Variants in DYTN observed in about 807,000 individuals in gnomAD.
The protein encoded by DYTN is dystrotelin.
In DYTN, 75 loss-of-function variants were observed where a neutral mutation model predicts 69.6. The ratio of observed to expected loss-of-function variants is 1.08; its 90% CI spans 0.89 to 1.31. The LOEUF is 1.31. Ranked by LOEUF, DYTN falls within the 50% of genes most tolerant of loss-of-function variation. The pLI is 0.00. For synonymous variants in DYTN, 252 were observed against 249.1 expected (o/e 1.01, Z -0.11); for missense variants, 726 against 688.4 (o/e 1.05, Z -0.61).
Position 206,705,833 on chromosome 2 carries a change from C to A in DYTN, c.337G>T (p.Ala113Ser). 1 of 1,613,864 alleles carries A rather than the reference C, an allele frequency of 6.2e-7. No individual in the cohort carries two copies. Among genetic ancestry groups the A allele is most frequent in the Non-Finnish European group, 8.5e-7 (1 of 1,179,856 alleles). Residue 113 changes from alanine to serine, a missense_variant, in exon 4 of 12, where the codon GCC becomes TCC. Ala to Ser is a moderately conservative substitution (Grantham distance 99). Coordinates refer to ENST00000452335, the MANE Select transcript of DYTN (RefSeq NM_001093730.1). ...GFLQLMPAAA[A>S]LITLSGDSPL... Reference sequence around the variant, plus strand: ...CTGTCTCCTGAGAGGGTTATTAGGGCAGCGGCCGCAGGCATAAGCTGGAGA... The same window carrying A: ...CTGTCTCCTGAGAGGGTTATTAGGGAAGCGGCCGCAGGCATAAGCTGGAGA...
At chr2:206,665,775 G>T in intron 10 of DYTN, 95 bp downstream of exon 10, 2 of 1,459,724 alleles carry the variant, frequency 1.4e-6, no homozygotes, top group East Asian at 2.3e-5. Context: ...GGAAGAGGCT[G>T]ATCAAAGTAA....
intron 11 of DYTN, among the ~76,000 whole-genome samples, chr2:206,661,193 T>G (rs1232636087): frequency 1.3e-5 from 2 of 152,222 alleles, no homozygotes; most frequent in East Asian, 3.8e-4. Flanking sequence ...ACCCTGATCT[T>G]GGACTTCTGG....
intron 11 of DYTN, among the ~76,000 whole-genome samples, chr2:206,660,213 A>C (rs1175854325): frequency 6.6e-6 from 1 of 152,200 alleles, no homozygotes; most frequent in African/African-American, 2.4e-5. Flanking sequence ...TTATTGCATC[A>C]ACTGAATTTA....
chr2:206,692,458 C>T (rs1314216056), intron 9 of DYTN, among the ~76,000 whole-genome samples: 2 of 152,010 alleles, frequency 1.3e-5, no homozygotes, highest in Non-Finnish European at 1.5e-5. Context: ...TTCTGAATTT[C>T]GAGGATTAAC....
intron 9 of DYTN, among the ~76,000 whole-genome samples, chr2:206,684,420 T>G (rs1699784727): frequency 6.6e-6 from 1 of 152,120 alleles, no homozygotes; most frequent in Non-Finnish European, 1.5e-5. Flanking sequence ...TCCTCCTACC[T>G]CAGCCTCCCA....
chr2:206,708,730 T>C (rs1004695147), intron 2 of DYTN, among the ~76,000 whole-genome samples: 1 of 152,224 alleles, frequency 6.6e-6, no homozygotes, highest in Non-Finnish European at 1.5e-5. Flanking sequence ...TATTTGGAGC[T>C]CATGTTATGC....
At chr2:206,682,598 C>G (rs1453403316) in intron 9 of DYTN, among the ~76,000 whole-genome samples, 1 of 152,130 alleles carries the variant, frequency 6.6e-6, no homozygotes, top group Non-Finnish European at 1.5e-5. Flanking sequence ...TACACTCTCT[C>G]TTTGATGATC....
chr2:206,710,553 T>A lies in DYTN; in HGVS notation c.65A>T (p.Lys22Ile). 1 of 1,612,314 alleles carries A rather than the reference T, an allele frequency of 6.2e-7. No individual in the cohort carries two copies. Among genetic ancestry groups the A allele is most frequent in the Non-Finnish European group, 8.5e-7 (1 of 1,179,248 alleles). ...IENSIYRTAF[K>I]LQSVQTLCQL... ...GCACAGAGTTTGCACTGATTGTAAT[T>A]TGAAGGCTGTTCTATAAATGGAATT... The change falls in exon 2 of 12, where the codon AAA (lysine) becomes ATA (isoleucine). Residue 22 changes from lysine to isoleucine, a missense_variant. Lys to Ile is a moderately radical substitution (Grantham distance 102, BLOSUM62 -3). Transcript: ENST00000452335.
rs532781819 is a variant in DYTN, at chr2:206,675,919, G to A, written c.981-9890C>T. 7.2e-4 allele frequency among the ~76,000 whole-genome samples: 110 copies of A among 152,310 alleles called. 1 individual carries two copies. Among genetic ancestry groups the A allele is most frequent in the African/African-American group, 2.5e-3 (103 of 41,578 alleles). ...CAGTTAGAAAGATGATCATTAAAAT[G>A]TCTGGAAACAACAGATGCTGGTGAG... On this transcript the variant is annotated intron_variant, in intron 9 of 11. Transcript: ENST00000452335.
At chr2:206,711,552 C>CT (rs150580072) in intron 1 of DYTN, among the ~76,000 whole-genome samples, 33,377 of 151,376 alleles carry the variant, frequency 0.22, 4,321 homozygotes, top group Non-Finnish European at 0.28. Context: ...TCTTACCTTT[C>CT]TTTTTTTTGT....
At chr2:206,671,326 A>C (rs941416557) in intron 9 of DYTN, among the ~76,000 whole-genome samples, 1 of 152,196 alleles carries the variant, frequency 6.6e-6, no homozygotes, top group Non-Finnish European at 1.5e-5. Context: ...GAAAAAGCAA[A>C]AGGGCAGTAG....
intron 9 of DYTN, among the ~76,000 whole-genome samples, chr2:206,671,498 A>G (rs542719831): frequency 6.6e-6 from 1 of 152,310 alleles, no homozygotes; most frequent in Non-Finnish European, 1.5e-5. Context: ...CGAACTTTAC[A>G]TTATTTTTAA....
chr2:206,702,201 G>A (rs886419170), intron 5 of DYTN, among the ~76,000 whole-genome samples: 5 of 152,194 alleles, frequency 3.3e-5, no homozygotes, highest in African/African-American at 1.2e-4. Flanking sequence ...AAGATGGCCA[G>A]GGACTTGGCT....
intron 11 of DYTN, among the ~76,000 whole-genome samples, chr2:206,658,502 G>A (rs538452551): frequency 2.6e-5 from 4 of 151,938 alleles, no homozygotes; most frequent in South Asian, 2.1e-4. Context: ...AGAGATTCTC[G>A]GGGGCTGTTC....
chr2:206,689,920 A>G (rs1198112649), intron 9 of DYTN, among the ~76,000 whole-genome samples: 1 of 152,248 alleles, frequency 6.6e-6, no homozygotes, highest in Non-Finnish European at 1.5e-5. Flanking sequence ...TTGAGGATTT[A>G]TCATATTCAG....
At chr2:206,717,842 A>T (rs1240027040) in intron 1 of DYTN, among the ~76,000 whole-genome samples, 1 of 152,254 alleles carries the variant, frequency 6.6e-6, no homozygotes, top group Non-Finnish European at 1.5e-5. Flanking sequence ...TAAAATTTTC[A>T]TATAGTGACA....
At chr2:206,691,972 T>C (rs1336404894) in intron 9 of DYTN, among the ~76,000 whole-genome samples, 2 of 152,154 alleles carry the variant, frequency 1.3e-5, no homozygotes. Context: ...AATAAATATT[T>C]CTTTTTCTCA....
Position 206,673,799 on chromosome 2 carries a change from A to G in DYTN, c.981-7770T>C, listed in dbSNP as rs568887321. The stretch of plus-strand genomic sequence containing the variant: ...GTAAACAACACAGTTCATTGGTTGC[A>G]TATCAGAGGTGGCACATATTGTTGT... On this transcript the variant is annotated intron_variant, in intron 9 of 11. Transcript: ENST00000452335. Among the ~76,000 whole-genome samples, 274 of 152,342 alleles carry G rather than the reference A, an allele frequency of 1.8e-3. 1 individual carries two copies. The highest frequency in any genetic ancestry group is 6.2e-3 in the African/African-American group (258 of 41,594).
At chr2:206,712,937 G>T (rs1700090556) in intron 1 of DYTN, among the ~76,000 whole-genome samples, 1 of 152,176 alleles carries the variant, frequency 6.6e-6, no homozygotes, top group Non-Finnish European at 1.5e-5. Context: ...ACTTGAATTT[G>T]GAATTGTAGA....
Sources: gnomAD v4.1 joint callset for allele counts (sites outside exome capture counted in the v4.1 genomes callset) on GRCh38, gnomAD v4.1.1 for gene constraint, MANE v1.5 for transcripts, NCBI Gene and HGNC (gene_info 2026-07-23, HGNC 2026-07-21) for gene names.